Variants in SLCO1B1 observed in about 807,000 individuals in gnomAD.
SLCO1B1 encodes the protein solute carrier organic anion transporter family member 1B1, also known as OATP-2.
A neutral mutation model predicts 70.1 loss-of-function variants in SLCO1B1; 81 were observed. That is an observed-to-expected ratio of 1.16 (90% confidence interval 0.97 to 1.39). The LOEUF (loss-of-function observed/expected upper bound fraction) is 1.39. Ranked by LOEUF, SLCO1B1 falls within the 40% of genes most tolerant of loss-of-function variation. The pLI, the probability that SLCO1B1 is intolerant of heterozygous loss-of-function variation, is 0.00. For missense variants in SLCO1B1, 895 were observed against 799.6 expected, an observed-to-expected ratio of 1.12 and a Z score of -1.44; for synonymous variants, 283 against 271.5, an observed-to-expected ratio of 1.04 and a Z score of -0.42.
At chr12:21,238,502 A>AT (rs1166491180) in intron 14 of SLCO1B1, among the ~76,000 whole-genome samples, 2 of 151,572 alleles carry the variant, frequency 1.3e-5, no homozygotes, top group Non-Finnish European at 1.5e-5. Context: ...ATGACTGGCA[A>AT]TTTTTTTCAT....
Position 21,239,269 on chromosome 12 carries a change from T to C in SLCO1B1, c.*80T>C, listed in dbSNP as rs968329106. ...TCAGTAAGATGTTATTTTTGAGGAGTTCCTGGTCCTTTCACTAAGAATTTC... is the reference window on the plus strand; with the variant it reads ...TCAGTAAGATGTTATTTTTGAGGAGCTCCTGGTCCTTTCACTAAGAATTTC... On this transcript the variant is annotated 3_prime_UTR_variant, in exon 15 of 15. Coordinates refer to ENST00000256958, the MANE Select transcript of SLCO1B1 (RefSeq NM_006446.5). 6.1e-6 allele frequency: 6 copies of C among 977,340 alleles called. No homozygotes were observed. In the East Asian group the frequency reaches 1.4e-4, roughly 23 times the overall value. The allele number at this position is 977,340 out of a possible 1,614,324, so 60.5% of individuals were successfully genotyped here.
In SLCO1B1 at chr12:21,202,664, G is replaced by A. The variant is rs142965323; in HGVS notation, c.1309G>A (p.Gly437Arg). The change falls in exon 10 of 15, where the codon GGA (glycine) becomes AGA (arginine). Residue 437 changes from glycine to arginine, a missense_variant. Gly to Arg is a moderately radical substitution (Grantham distance 125, BLOSUM62 -2). Transcript: ENST00000256958. Reference protein sequence around the residue: ...FILCENKSVAGLTMTYDGNNP... With the variant: ...FILCENKSVARLTMTYDGNNP... ...ACTCTGTGAAAACAAATCAGTTGCC[G>A]GACTAACCATGACCTATGATGGGTT... is the stretch of plus-strand genomic sequence containing the variant. The A allele has an allele frequency of 1.5e-4, 238 of 1,611,786 alleles. 1 individual carries two copies. In the Middle Eastern group the frequency reaches 1.5e-3, roughly 10 times the overall value.
chr12:21,169,635 T>C (rs1027119089), intron 2 of SLCO1B1, among the ~76,000 whole-genome samples: 3 of 152,326 alleles, frequency 2.0e-5, no homozygotes, highest in South Asian at 2.1e-4. Flanking sequence ...TTTCATTTAA[T>C]TGTCTGTTCA....
At chr12:21,231,102 C>A (rs1941532418) in intron 14 of SLCO1B1, among the ~76,000 whole-genome samples, 1 of 151,540 alleles carries the variant, frequency 6.6e-6, no homozygotes, top group Non-Finnish European at 1.5e-5. Flanking sequence ...TGATAGTTTG[C>A]TGAGAATGAT....
chr12:21,132,406 G>A lies in SLCO1B1; in HGVS notation c.-62+1170G>A, dbSNP rs376637271. ...TCCAGTTCTAGATCCCTGAGGAATC[G>A]CCACACTGTCTTCCACAATGGTTGA... is the stretch of plus-strand genomic sequence containing the variant. On this transcript the variant is annotated intron_variant, in intron 1 of 14. Transcript: ENST00000256958. Among the ~76,000 whole-genome samples the A allele has an allele frequency of 3.2e-4, 49 of 152,230 alleles. 1 individual carries two copies. In the South Asian group the frequency reaches 7.9e-3, roughly 25 times the overall value.
chr12:21,190,871 A>T (rs1312735256), intron 7 of SLCO1B1, among the ~76,000 whole-genome samples: 1 of 152,054 alleles, frequency 6.6e-6, no homozygotes, highest in Non-Finnish European at 1.5e-5. Context: ...TTTGCTATTG[A>T]GTTGTAGGAT....
rs192975509 is a variant in SLCO1B1 at position 21,135,352 on chromosome 12, G to A, written c.-62+4116G>A. 8.1e-3 allele frequency among the ~76,000 whole-genome samples: 1,228 copies of A among 152,172 alleles called. 9 individuals carry two copies. Among genetic ancestry groups the A allele is most frequent in the Middle Eastern group, 0.02 (6 of 294 alleles). ...AGTTCTGTAGATGTCTATTAGGTCC[G>A]CTTGGTGCAGAGCTGAGTTCAATTC... On this transcript the variant is annotated intron_variant, in intron 1 of 14. Transcript: ENST00000256958.
chr12:21,229,500 T>C (rs988000511), intron 14 of SLCO1B1, among the ~76,000 whole-genome samples: 4 of 152,230 alleles, frequency 2.6e-5, no homozygotes, highest in African/African-American at 9.6e-5. Flanking sequence ...GACTAGCTTA[T>C]TTAACTTAAT....
intron 14 of SLCO1B1, among the ~76,000 whole-genome samples, chr12:21,234,163 T>G (rs1402109010): frequency 1.3e-5 from 2 of 152,058 alleles, no homozygotes; most frequent in African/African-American, 4.8e-5. Flanking sequence ...GAGTTCTGAT[T>G]GGTCAGGTGA....
chr12:21,133,119 G>C (rs545213651), intron 1 of SLCO1B1, among the ~76,000 whole-genome samples: 1 of 152,030 alleles, frequency 6.6e-6, no homozygotes, highest in African/African-American at 2.4e-5. Flanking sequence ...TTTTTCTCAG[G>C]TTTGTCAAAG....
chr12:21,186,282 A>G (rs1940960819), intron 7 of SLCO1B1, among the ~76,000 whole-genome samples: 1 of 152,102 alleles, frequency 6.6e-6, no homozygotes, highest in Non-Finnish European at 1.5e-5. Flanking sequence ...ACTGTAATAT[A>G]TACGTTACTG....
intron 14 of SLCO1B1, among the ~76,000 whole-genome samples, chr12:21,226,464 G>A (rs7966581): frequency 0.34 from 51,533 of 151,548 alleles, 9,093 homozygotes; most frequent in East Asian, 0.45. Context: ...GCTTCTGACT[G>A]TATTATTCTA....
At chr12:21,133,939 T>C (rs1301576350) in intron 1 of SLCO1B1, among the ~76,000 whole-genome samples, 1 of 152,226 alleles carries the variant, frequency 6.6e-6, no homozygotes, top group East Asian at 1.9e-4. Flanking sequence ...TTCCAGTTTT[T>C]GCCCATTCAG....
At chr12:21,174,740 GCCACTATCAGTA>G in intron 4 of SLCO1B1, 31 bp downstream of exon 4, 1 of 1,568,446 alleles carries the variant, frequency 6.4e-7, no homozygotes, top group Non-Finnish European at 8.7e-7. Context: ...AAACCTCTGT[GCCACTATCAGTA>G]CCTTGTAAAT....
intron 2 of SLCO1B1, among the ~76,000 whole-genome samples, chr12:21,153,572 A>G (rs142769065): frequency 0.011 from 1,714 of 152,098 alleles, 25 homozygotes; most frequent in Non-Finnish European, 0.017. Flanking sequence ...CAATTGTTGG[A>G]TGTATAATTT....
chr12:21,211,737 G>T (rs1941288559), intron 11 of SLCO1B1, among the ~76,000 whole-genome samples: 2 of 152,142 alleles, frequency 1.3e-5, no homozygotes, highest in Admixed American at 1.3e-4. Flanking sequence ...CACAATTTCA[G>T]ATCCTGTTAT....
At chr12:21,238,037 C>CT (rs1941612090) in intron 14 of SLCO1B1, among the ~76,000 whole-genome samples, 1 of 152,014 alleles carries the variant, frequency 6.6e-6, no homozygotes, top group Non-Finnish European at 1.5e-5. Flanking sequence ...AAAAATGTTT[C>CT]TTTTGCTCCT....
At chr12:21,202,874 A>G (rs1363214275) in intron 10 of SLCO1B1, among the ~76,000 whole-genome samples, 188 bp downstream of exon 10, 2 of 152,082 alleles carry the variant, frequency 1.3e-5, no homozygotes, top group Non-Finnish European at 2.9e-5. Flanking sequence ...TCCTCCACTA[A>G]AGAGAAGCAA....
intron 11 of SLCO1B1, among the ~76,000 whole-genome samples, chr12:21,209,143 G>A (rs1941249687): frequency 6.6e-6 from 1 of 151,774 alleles, no homozygotes; most frequent in Admixed American, 6.6e-5. Context: ...GTGCCATGCT[G>A]GTGCACTGAA....
Sources: allele counts gnomAD v4.1 joint callset (sites outside exome capture counted in the v4.1 genomes callset), GRCh38; gene constraint gnomAD v4.1.1; transcripts MANE v1.5; gene names NCBI Gene and HGNC (gene_info 2026-07-23, HGNC 2026-07-21).